The following KSR2 variants were observed in gnomAD, a reference collection of about 807,000 sequenced individuals.
KSR2 encodes the protein kinase suppressor of ras 2.
In KSR2, 25 loss-of-function variants were observed where a neutral mutation model predicts 107.8. The ratio of observed to expected loss-of-function variants is 0.23; its 90% CI spans 0.17 to 0.32. KSR2 has a LOEUF of 0.32. KSR2 is among the 10% of genes least tolerant of loss of function. KSR2 has a pLI of 1.00. For missense variants in KSR2, 887 were observed against 1,268.9 expected, an observed-to-expected ratio of 0.70 and a Z score of 4.57; for synonymous variants, 480 against 507.0, an observed-to-expected ratio of 0.95 and a Z score of 0.71.
intron 4 of KSR2, among the ~76,000 whole-genome samples, chr12:117,671,771 A>G (rs1884913918): frequency 6.6e-6 from 1 of 152,218 alleles, no homozygotes; most frequent in East Asian, 1.9e-4. Context: ...TGCATCCAAA[A>G]GGAATCTCTC....
intron 11 of KSR2, among the ~76,000 whole-genome samples, 183 bp downstream of exon 11, chr12:117,531,483 C>T (rs1237847745): frequency 1.3e-5 from 2 of 152,048 alleles, no homozygotes; most frequent in African/African-American, 4.8e-5. Flanking sequence ...CTCCTTGGGT[C>T]CCACTGTGCC....
At chr12:117,964,247 G>A (rs1225513970) in intron 1 of KSR2, among the ~76,000 whole-genome samples, 2 of 152,136 alleles carry the variant, frequency 1.3e-5, no homozygotes, top group Admixed American at 1.3e-4. Flanking sequence ...CTCCAGCCTG[G>A]GTGACAAGAG....
At chr12:117,781,383 C>G (rs544473654) in intron 3 of KSR2, among the ~76,000 whole-genome samples, 1 of 152,194 alleles carries the variant, frequency 6.6e-6, no homozygotes, top group Admixed American at 6.5e-5. Flanking sequence ...CCAGCCAGAA[C>G]CAGTCTGTCC....
intron 10 of KSR2, among the ~76,000 whole-genome samples, chr12:117,532,556 C>G (rs866293097): frequency 4.5e-4 from 68 of 152,328 alleles, no homozygotes; most frequent in African/African-American, 1.5e-3. Flanking sequence ...GAGATCAAGA[C>G]ATGGACATCT....
intron 1 of KSR2, among the ~76,000 whole-genome samples, chr12:117,961,444 G>A (rs1233310787): frequency 1.3e-5 from 2 of 152,124 alleles, no homozygotes; most frequent in African/African-American, 4.8e-5. Flanking sequence ...ACCAAGATGG[G>A]AGTCTATTTC....
At chr12:117,757,883 G>A (rs141487219) in intron 4 of KSR2, among the ~76,000 whole-genome samples, 8 of 152,194 alleles carry the variant, frequency 5.3e-5, no homozygotes, top group Admixed American at 2.0e-4. Flanking sequence ...GATCTTTATC[G>A]TGGTGGTCTG....
intron 1 of KSR2, among the ~76,000 whole-genome samples, chr12:117,929,434 C>T (rs1279070871): frequency 3.9e-5 from 6 of 152,166 alleles, no homozygotes; most frequent in East Asian, 3.9e-4. Context: ...CCATGTGAGA[C>T]GTGGCTTTCA....
At chr12:117,653,169 G>C (rs1883975551) in intron 5 of KSR2, among the ~76,000 whole-genome samples, 1 of 152,240 alleles carries the variant, frequency 6.6e-6, no homozygotes, top group African/African-American at 2.4e-5. Context: ...AAGACAGATG[G>C]ATCTTGGAGA....
intron 14 of KSR2, among the ~76,000 whole-genome samples, chr12:117,518,717 C>A (rs1255938111): frequency 6.6e-6 from 1 of 152,208 alleles, no homozygotes; most frequent in Non-Finnish European, 1.5e-5. Context: ...AATTATCTGG[C>A]CTCTGCAGCC....
At chr12:117,694,369 C>A (rs763106113) in intron 4 of KSR2, among the ~76,000 whole-genome samples, 1 of 152,168 alleles carries the variant, frequency 6.6e-6, no homozygotes, top group Non-Finnish European at 1.5e-5. Flanking sequence ...CTCTCTCTTG[C>A]CTGCCACCAT....
chr12:117,513,659 C>T (rs1220241788), intron 14 of KSR2, among the ~76,000 whole-genome samples: 1 of 152,190 alleles, frequency 6.6e-6, no homozygotes, highest in Non-Finnish European at 1.5e-5. Context: ...GAATGGGACC[C>T]AGCAGTGGGG....
At chr12:117,679,408 C>G (rs1025677402) in intron 4 of KSR2, among the ~76,000 whole-genome samples, 1 of 152,156 alleles carries the variant, frequency 6.6e-6, no homozygotes, top group African/African-American at 2.4e-5. Context: ...GTTAAAAATT[C>G]AGCACACACC....
At chr12:117,485,054 T>C (rs1457606700) in intron 15 of KSR2, among the ~76,000 whole-genome samples, 2 of 152,178 alleles carry the variant, frequency 1.3e-5, no homozygotes, top group Non-Finnish European at 2.9e-5. Context: ...GGTTTCTTTT[T>C]TATTGCCTTT....
chr12:117,945,755 G>A (rs1216819573), intron 1 of KSR2, among the ~76,000 whole-genome samples: 2 of 152,052 alleles, frequency 1.3e-5, no homozygotes, highest in Non-Finnish European at 2.9e-5. Context: ...AAAGACACTT[G>A]GCACTCATCC....
chr12:117,739,997 T>G (rs1434651453), intron 4 of KSR2, among the ~76,000 whole-genome samples: 1 of 151,964 alleles, frequency 6.6e-6, no homozygotes, highest in Non-Finnish European at 1.5e-5. Flanking sequence ...AGTTCTTTAG[T>G]GGCGATTTGT....
chr12:117,467,317 C>G (rs1871197925), intron 19 of KSR2, 112 bp from the exon 20 acceptor site: 2 of 548,472 alleles, frequency 3.6e-6, no homozygotes, highest in Non-Finnish European at 6.6e-6. Flanking sequence ...ATGAACTGTT[C>G]CTGTCTTCTG....
chr12:117,515,794 C>T (rs1247919197), intron 14 of KSR2, among the ~76,000 whole-genome samples: 2 of 152,134 alleles, frequency 1.3e-5, no homozygotes, highest in Non-Finnish European at 2.9e-5. Context: ...GGTGAGGTGG[C>T]ATGTGCCTGT....
intron 5 of KSR2, among the ~76,000 whole-genome samples, chr12:117,612,184 T>C (rs1881641269): frequency 6.6e-6 from 1 of 152,130 alleles, no homozygotes; most frequent in African/African-American, 2.4e-5. Flanking sequence ...GGTGGGTGGA[T>C]CATGAGGTCA....
At chr12:117,840,606 G>A (rs1388459566) in intron 3 of KSR2, among the ~76,000 whole-genome samples, 2 of 151,906 alleles carry the variant, frequency 1.3e-5, no homozygotes, top group Non-Finnish European at 2.9e-5. Flanking sequence ...ATTTTGGCCA[G>A]GTTGGACTCA....
Sources: gnomAD v4.1 joint callset for allele counts (sites outside exome capture counted in the v4.1 genomes callset) on GRCh38, gnomAD v4.1.1 for gene constraint, MANE v1.5 for transcripts, NCBI Gene and HGNC (gene_info 2026-07-23, HGNC 2026-07-21) for gene names.